Variants in PTPRD observed in about 807,000 individuals in gnomAD.
PTPRD encodes the protein protein tyrosine phosphatase receptor type D.
Under a neutral mutation model 214.5 loss-of-function variants are expected in PTPRD, and 34 were observed. The observed-to-expected ratio is 0.16, with a 90% CI of 0.12 to 0.21. PTPRD has a LOEUF of 0.21. Among genes scored for constraint, PTPRD ranks in the 10% least tolerant of loss-of-function variants. The pLI is 1.00. For missense variants in PTPRD, 2,545 were observed against 2,398.7 expected, an observed-to-expected ratio of 1.06 and a Z score of -1.27; for synonymous variants, 1,128 against 845.7, an observed-to-expected ratio of 1.33 and a Z score of -5.79.
At chr9:9,764,946 G>A (rs1476709415) in intron 6 of PTPRD, among the ~76,000 whole-genome samples, 2 of 152,146 alleles carry the variant, frequency 1.3e-5, no homozygotes, top group African/African-American at 2.4e-5. Context: ...GGTTGAAGCT[G>A]CACATCCATG....
intron 6 of PTPRD, among the ~76,000 whole-genome samples, chr9:9,743,235 T>G (rs921385529): frequency 6.6e-6 from 1 of 152,118 alleles, no homozygotes; most frequent in African/African-American, 2.4e-5. Context: ...ACATGCCAAA[T>G]GCATATTTCA....
intron 5 of PTPRD, among the ~76,000 whole-genome samples, chr9:9,768,976 T>C (rs2098729041): frequency 6.6e-6 from 1 of 152,144 alleles, no homozygotes; most frequent in South Asian, 2.1e-4. Context: ...ATTTTTCTGA[T>C]AGGCACATAC....
At chr9:8,486,460 CA>C in intron 27 of PTPRD, 111 bp from the exon 28 acceptor site, 1 of 893,658 alleles carries the variant, frequency 1.1e-6, no homozygotes, top group Non-Finnish European at 1.9e-6. Context: ...TCTTACTTAC[CA>C]AAACAAAACA....
chr9:8,766,239 G>A (rs1486310430), intron 11 of PTPRD, among the ~76,000 whole-genome samples: 2 of 151,802 alleles, frequency 1.3e-5, no homozygotes, highest in Admixed American at 6.6e-5. Context: ...TTTGTGGAGT[G>A]TGTGCATACT....
At chr9:9,584,009 T>C (rs1002710047) in intron 7 of PTPRD, among the ~76,000 whole-genome samples, 7 of 152,042 alleles carry the variant, frequency 4.6e-5, no homozygotes, top group Non-Finnish European at 8.8e-5. Flanking sequence ...AAGTATACAG[T>C]GGTAACTCTC....
intron 3 of PTPRD, among the ~76,000 whole-genome samples, chr9:10,096,070 C>G (rs1396683322): frequency 6.6e-6 from 1 of 151,482 alleles, no homozygotes; most frequent in African/African-American, 2.4e-5. Flanking sequence ...GTAGGCTTAC[C>G]GCATTAGAGT....
At chr9:9,307,947 C>A (rs922011631) in intron 9 of PTPRD, among the ~76,000 whole-genome samples, 4 of 152,112 alleles carry the variant, frequency 2.6e-5, no homozygotes, top group Admixed American at 1.3e-4. Context: ...GATAACCCTC[C>A]CCACGCTGTG....
chr9:8,431,012 C>A (rs1425395760), intron 35 of PTPRD, among the ~76,000 whole-genome samples: 1 of 152,166 alleles, frequency 6.6e-6, no homozygotes, highest in East Asian at 1.9e-4. Context: ...CAATGCTTTT[C>A]TGTAGTACTG....
At chr9:8,360,499 T>C (rs1045900259) in intron 39 of PTPRD, among the ~76,000 whole-genome samples, 1 of 152,204 alleles carries the variant, frequency 6.6e-6, no homozygotes, top group African/African-American at 2.4e-5. Context: ...TGATCAAGTC[T>C]AAACTGAACA....
chr9:9,103,846 G>T (rs538920519), intron 10 of PTPRD, among the ~76,000 whole-genome samples: 1 of 152,174 alleles, frequency 6.6e-6, no homozygotes, highest in South Asian at 2.1e-4. Context: ...GCTGGGCGTG[G>T]TGATGTGCAC....
chr9:9,263,016 C>A (rs974432757), intron 9 of PTPRD, among the ~76,000 whole-genome samples: 1 of 151,576 alleles, frequency 6.6e-6, no homozygotes, highest in Non-Finnish European at 1.5e-5. Flanking sequence ...TATGTAATTT[C>A]ACTTTCATAT....
chr9:9,013,418 T>C (rs1159076301), intron 11 of PTPRD, among the ~76,000 whole-genome samples: 1 of 152,128 alleles, frequency 6.6e-6, no homozygotes, highest in African/African-American at 2.4e-5. Flanking sequence ...GAACTAATAA[T>C]AGACTTCAAA....
chr9:10,106,271 T>C (rs137970008), intron 3 of PTPRD, among the ~76,000 whole-genome samples: 241 of 152,004 alleles, frequency 1.6e-3, no homozygotes, highest in African/African-American at 5.4e-3. Context: ...AGAAATGACA[T>C]TTTGATGTCA....
intron 3 of PTPRD, among the ~76,000 whole-genome samples, chr9:10,249,242 T>G (rs2092542315): frequency 6.6e-6 from 1 of 152,070 alleles, no homozygotes; most frequent in Non-Finnish European, 1.5e-5. Context: ...CAAGATCCAG[T>G]GATTGTTCAC....
In PTPRD at chr9:8,335,105, T is replaced by TG. The variant is rs1564031688; in HGVS notation, c.5380-3370_5380-3369insC. On this transcript the variant is annotated intron_variant, in intron 43 of 45. Transcript: ENST00000381196. ...TTGGTACCATTCCTTCTGAAACTATTCCAAACAATACAAAAAGAGGGACTC... is the reference window on the plus strand; with the variant it reads ...TTGGTACCATTCCTTCTGAAACTATTGCCAAACAATACAAAAAGAGGGACTC... Among the ~76,000 whole-genome samples the TG allele has an allele frequency of 1.1e-4, 16 of 147,092 alleles. No homozygotes were observed. The East Asian group carries it at 2.1e-3, about 20-fold the overall frequency.
chr9:9,943,240 A>C (rs988650175), intron 4 of PTPRD, among the ~76,000 whole-genome samples: 5 of 152,146 alleles, frequency 3.3e-5, no homozygotes, highest in Admixed American at 2.6e-4. Flanking sequence ...CCTAGTTGTT[A>C]CAAAAGATGG....
chr9:9,066,231 G>T (rs1027970951), intron 10 of PTPRD, among the ~76,000 whole-genome samples: 1 of 152,072 alleles, frequency 6.6e-6, no homozygotes, highest in Non-Finnish European at 1.5e-5. Flanking sequence ...GGAAGATTTT[G>T]TGTAGGATCG....
At chr9:8,966,579 C>T (rs978298199) in intron 11 of PTPRD, among the ~76,000 whole-genome samples, 3 of 151,800 alleles carry the variant, frequency 2.0e-5, no homozygotes, top group Non-Finnish European at 4.4e-5. Flanking sequence ...GAAACTAGAC[C>T]CCTATATACT....
intron 11 of PTPRD, among the ~76,000 whole-genome samples, chr9:8,903,358 C>T (rs189049396): frequency 9.2e-5 from 14 of 152,248 alleles, no homozygotes; most frequent in Non-Finnish European, 1.6e-4. Flanking sequence ...AGAAAAGGTC[C>T]ATGATTGGTA....
Sources: allele counts gnomAD v4.1 joint callset (sites outside exome capture counted in the v4.1 genomes callset), GRCh38; gene constraint gnomAD v4.1.1; transcripts MANE v1.5; gene names NCBI Gene and HGNC (gene_info 2026-07-23, HGNC 2026-07-21).